PTPRT: variants seen among roughly 807,000 people sequenced by gnomAD.
PTPRT encodes the protein receptor-type tyrosine-protein phosphatase T.
PTPRT carries 56 observed loss-of-function variants against 176.8 expected under a neutral mutation model. The ratio of observed to expected loss-of-function variants is 0.32; its 90% CI spans 0.26 to 0.40. The LOEUF (loss-of-function observed/expected upper bound fraction) is 0.40, where lower values mean the gene tolerates loss of function less well. PTPRT is among the 10% of genes least tolerant of loss of function. The pLI is 1.00. For synonymous variants in PTPRT, 783 were observed against 739.0 expected, an observed-to-expected ratio of 1.06 and a Z score of -0.96; for missense variants, 1,540 against 1,908.2, an observed-to-expected ratio of 0.81 and a Z score of 3.60.
At chr20:42,882,911 C>T (rs1375340594) in intron 2 of PTPRT, among the ~76,000 whole-genome samples, 1 of 152,184 alleles carries the variant, frequency 6.6e-6, no homozygotes, top group Admixed American at 6.5e-5. Flanking sequence ...GGGAAAGGCT[C>T]CGTGGAGGAT....
chr20:42,949,262 T>C (rs959981394), intron 1 of PTPRT, among the ~76,000 whole-genome samples: 1 of 152,290 alleles, frequency 6.6e-6, no homozygotes, highest in East Asian at 1.9e-4. Context: ...TCTTCCCCAA[T>C]AGAACGCAGT....
At chr20:42,236,505 T>C (rs1277199707) in intron 14 of PTPRT, among the ~76,000 whole-genome samples, 4 of 152,028 alleles carry the variant, frequency 2.6e-5, no homozygotes, top group Admixed American at 2.6e-4. Flanking sequence ...TGGTCTCACA[T>C]AGAGTAAGCC....
chr20:42,134,034 C>T (rs529639932), intron 18 of PTPRT, among the ~76,000 whole-genome samples: 1 of 152,304 alleles, frequency 6.6e-6, no homozygotes, highest in Non-Finnish European at 1.5e-5. Context: ...TGTGTGTTCA[C>T]TAAAGGGTGG....
chr20:42,773,313 G>A (rs1481467217), intron 4 of PTPRT, among the ~76,000 whole-genome samples: 3 of 152,170 alleles, frequency 2.0e-5, no homozygotes, highest in Non-Finnish European at 2.9e-5. Context: ...ACTGGGCAGC[G>A]TGGAATTGGT....
At chr20:43,077,750 G>A (rs539361254) in intron 1 of PTPRT, among the ~76,000 whole-genome samples, 7 of 152,170 alleles carry the variant, frequency 4.6e-5, no homozygotes, top group Non-Finnish European at 1.0e-4. Context: ...AACCCCTTTT[G>A]TGGAGTCCAC....
In PTPRT at chr20:42,633,819, A is replaced by ATATATATATG. The variant is rs1162225733; in HGVS notation, c.1153+44046_1153+44047insCATATATATA. On this transcript the variant is annotated intron_variant, in intron 7 of 30. Transcript: ENST00000373187. ...TATATATATATATATATATATATATAATAAAATATTAATATATTATAATAA... is the reference window on the plus strand; with the variant it reads ...TATATATATATATATATATATATATATATATATATGATAAAATATTAATATATTATAATAA... Among the ~76,000 whole-genome samples the ATATATATATG allele has an allele frequency of 1.2e-4, 10 of 85,586 alleles. No individual in the cohort carries two copies. In the Admixed American group the frequency reaches 1.5e-3, roughly 13 times the overall value. 56.1% of individuals were successfully genotyped at this position (85,586 alleles called of 152,430 possible).
intron 1 of PTPRT, among the ~76,000 whole-genome samples, chr20:43,074,888 CG>C (rs931858325): frequency 6.6e-6 from 1 of 152,122 alleles, no homozygotes; most frequent in Admixed American, 6.5e-5. Context: ...GAAATATATC[CG>C]CACTCTTGAG....
chr20:43,115,799 C>T (rs2013038579), intron 1 of PTPRT, among the ~76,000 whole-genome samples: 1 of 152,100 alleles, frequency 6.6e-6, no homozygotes, highest in Admixed American at 6.5e-5. Context: ...GTTGAATAGC[C>T]CTGGGCAACT....
chr20:42,781,213 A>G (rs2077210560), intron 3 of PTPRT, among the ~76,000 whole-genome samples: 2 of 151,814 alleles, frequency 1.3e-5, no homozygotes, highest in Non-Finnish European at 2.9e-5. Context: ...AGCTCCTCAG[A>G]CTCCATACGA....
intron 19 of PTPRT, among the ~76,000 whole-genome samples, chr20:42,125,159 A>C (rs775297857): frequency 1.2e-4 from 18 of 152,096 alleles, no homozygotes; most frequent in Non-Finnish European, 2.4e-4. Flanking sequence ...GTGATACTGC[A>C]CCCTACCCTA....
chr20:42,099,152 A>C (rs1985604156), intron 26 of PTPRT, among the ~76,000 whole-genome samples: 1 of 152,148 alleles, frequency 6.6e-6, no homozygotes, highest in African/African-American at 2.4e-5. Flanking sequence ...TGAGTCATCC[A>C]TCTGTCCATC....
Position 43,188,753 on chromosome 20 carries a change from G to GC in PTPRT, c.88+892_88+893insG, listed in dbSNP as rs981081027. Among the ~76,000 whole-genome samples, 12 of 150,498 alleles carry GC rather than the reference G, an allele frequency of 8.0e-5. No homozygotes were observed. The South Asian group carries it at 1.1e-3, about 13-fold the overall frequency. On this transcript the variant is annotated intron_variant, in intron 1 of 30. Transcript: ENST00000373187. ...TCTTCCCTCCGCCGCTACTCTTGGG[G>GC]GGGGGGGGGCTCGGGGGTGGAAGCT...
intron 9 of PTPRT, among the ~76,000 whole-genome samples, chr20:42,393,275 C>T (rs571960382): frequency 3.3e-5 from 5 of 152,226 alleles, no homozygotes; most frequent in East Asian, 1.9e-4. Context: ...TGAACCCCAT[C>T]GATTGTGAAG....
intron 15 of PTPRT, among the ~76,000 whole-genome samples, chr20:42,222,851 C>A (rs1192303130): frequency 6.6e-6 from 1 of 152,168 alleles, no homozygotes; most frequent in Non-Finnish European, 1.5e-5. Context: ...GTTGTGGGAA[C>A]CCCAACTTGA....
At position 42,833,553 on chromosome 20, in the gene PTPRT, A is replaced by C. The variant is rs1354903380; in HGVS notation, c.215-42087T>G. Among the ~76,000 whole-genome samples, 6 of 151,900 alleles carry C rather than the reference A, an allele frequency of 3.9e-5. 1 individual carries two copies. Among genetic ancestry groups the C allele is most frequent in the Admixed American group, 3.9e-4 (6 of 15,214 alleles). Reference sequence around the variant, plus strand: ...AGCTATGATCACATCTCTGCACTCCACACTAGATGACAAAGCGAGGCCCCA... The same window carrying C: ...AGCTATGATCACATCTCTGCACTCCCCACTAGATGACAAAGCGAGGCCCCA... On this transcript the variant is annotated intron_variant, in intron 2 of 30. Transcript: ENST00000373187.
intron 1 of PTPRT, among the ~76,000 whole-genome samples, chr20:43,106,691 T>C (rs543929152): frequency 5.3e-3 from 193 of 36,616 alleles, no homozygotes; most frequent in African/African-American, 0.019. Flanking sequence ...AAAAAAGGAA[T>C]GAAGGAACAA....
chr20:42,264,643 C>T (rs1043619224), intron 13 of PTPRT, among the ~76,000 whole-genome samples: 3 of 152,220 alleles, frequency 2.0e-5, no homozygotes, highest in African/African-American at 7.2e-5. Flanking sequence ...TCAAGGGGAA[C>T]TAGAGGATGC....
chr20:42,698,147 T>C (rs1191918269), intron 6 of PTPRT, among the ~76,000 whole-genome samples: 1 of 152,194 alleles, frequency 6.6e-6, no homozygotes. Flanking sequence ...GATTGTATGT[T>C]CCTAGTTGGA....
chr20:42,860,995 T>C (rs992126970), intron 2 of PTPRT, among the ~76,000 whole-genome samples: 1 of 152,200 alleles, frequency 6.6e-6, no homozygotes, highest in African/African-American at 2.4e-5. Context: ...ACGATTATTC[T>C]CTGTTCCTCC....
Sources: allele counts gnomAD v4.1 joint callset (sites outside exome capture counted in the v4.1 genomes callset), GRCh38; gene constraint gnomAD v4.1.1; transcripts MANE v1.5; gene names NCBI Gene and HGNC (gene_info 2026-07-23, HGNC 2026-07-21).